INPP4B: variants seen among roughly 807,000 people sequenced by gnomAD.
The protein encoded by INPP4B is inositol polyphosphate 4-phosphatase type II.
A neutral mutation model predicts 122.5 loss-of-function variants in INPP4B; 55 were observed. The ratio of observed to expected loss-of-function variants is 0.45; its 90% CI spans 0.36 to 0.56. INPP4B has a LOEUF of 0.56. Among genes scored for constraint, INPP4B ranks in the 20% least tolerant of loss-of-function variants. The pLI, the probability that INPP4B is intolerant of heterozygous loss-of-function variation, is 0.00. For synonymous variants in INPP4B, 403 were observed against 388.7 expected, an observed-to-expected ratio of 1.04 and a Z score of -0.43; for missense variants, 1,000 against 1,097.7, an observed-to-expected ratio of 0.91 and a Z score of 1.26.
Position 142,270,730 on chromosome 4 carries a change from A to G in INPP4B, c.548T>C (p.Val183Ala), listed in dbSNP as rs762779783. Reference protein sequence around the residue: ...GKVVGTIEVSVVKMGEIEDGE... With the variant: ...GKVVGTIEVSAVKMGEIEDGE... The stretch of plus-strand genomic sequence containing the variant: ...ATCCTCAATCTCCCCCATCTTCACG[A>G]CACTGACTTCTATGGTGCCAACCAC... The change falls in exon 10 of 26, where the codon GTC (valine) becomes GCC (alanine). Residue 183 changes from valine to alanine, a missense_variant. Physicochemically the swap from Val to Ala is moderately conservative, Grantham distance 64. Transcript: ENST00000262992. 6.2e-7 allele frequency: 1 copy of G among 1,614,038 alleles called. No homozygotes were observed. Among genetic ancestry groups the G allele is most frequent in the Non-Finnish European group, 8.5e-7 (1 of 1,179,962 alleles).
chr4:142,838,084 C>G (rs1016446106), intron 1 of INPP4B, among the ~76,000 whole-genome samples: 1 of 150,760 alleles, frequency 6.6e-6, no homozygotes, highest in African/African-American at 2.5e-5. Context: ...GAGCTTATCA[C>G]AGTAGCTGGC....
chr4:142,461,612 GA>G (rs1816758342), intron 3 of INPP4B, among the ~76,000 whole-genome samples: 1 of 152,076 alleles, frequency 6.6e-6, no homozygotes, highest in Non-Finnish European at 1.5e-5. Flanking sequence ...CTAGATTCTA[GA>G]AAATTATCTA....
At chr4:142,819,294 C>A (rs946504361) in intron 1 of INPP4B, among the ~76,000 whole-genome samples, 2 of 152,148 alleles carry the variant, frequency 1.3e-5, no homozygotes, top group Non-Finnish European at 2.9e-5. Flanking sequence ...CTTACCCTGT[C>A]CTTATCATAT....
intron 12 of INPP4B, among the ~76,000 whole-genome samples, chr4:142,231,690 C>T (rs1022566253): frequency 1.3e-5 from 2 of 152,030 alleles, no homozygotes; most frequent in Admixed American, 6.6e-5. Context: ...TAAATTCTCC[C>T]TTTTCCACTC....
In INPP4B at chr4:142,758,098, C is replaced by G. The variant is rs577030032; in HGVS notation, c.-253-32197G>C. Among the ~76,000 whole-genome samples the G allele has an allele frequency of 4.4e-4, 67 of 152,150 alleles. 1 individual carries two copies. The highest frequency in any genetic ancestry group is 1.6e-3 in the African/African-American group (66 of 41,522). ...CTCATCAGTGGGACATTATTTAGTTCTGGGATAATAGTTTTTAAAAAGATA... is the reference window on the plus strand; with the variant it reads ...CTCATCAGTGGGACATTATTTAGTTGTGGGATAATAGTTTTTAAAAAGATA... On this transcript the variant is annotated intron_variant, in intron 1 of 25. Coordinates refer to ENST00000262992, the MANE Select transcript of INPP4B (RefSeq NM_001101669.3).
chr4:142,584,403 C>G (rs1735727218), intron 2 of INPP4B, among the ~76,000 whole-genome samples: 1 of 152,096 alleles, frequency 6.6e-6, no homozygotes, highest in African/African-American at 2.4e-5. Context: ...TTTACGATTC[C>G]ATCCCACACA....
chr4:142,491,079 C>T (rs1311313381), intron 2 of INPP4B, among the ~76,000 whole-genome samples: 1 of 152,124 alleles, frequency 6.6e-6, no homozygotes, highest in African/African-American at 2.4e-5. Context: ...TAGATATATA[C>T]TCAGAAGTGA....
intron 2 of INPP4B, among the ~76,000 whole-genome samples, chr4:142,704,040 A>G (rs571408913): frequency 4.6e-5 from 7 of 152,306 alleles, no homozygotes. Flanking sequence ...CGGTAGGAAT[A>G]TCTATTAGAA....
At chr4:142,484,072 A>T (rs547443097) in intron 2 of INPP4B, among the ~76,000 whole-genome samples, 1 of 152,268 alleles carries the variant, frequency 6.6e-6, no homozygotes, top group Non-Finnish European at 1.5e-5. Flanking sequence ...AAGAAGATGC[A>T]GAAAGGAACA....
At chr4:142,721,234 C>T (rs1391406637) in intron 2 of INPP4B, among the ~76,000 whole-genome samples, 3 of 152,034 alleles carry the variant, frequency 2.0e-5, no homozygotes, top group African/African-American at 7.2e-5. Context: ...ACCCAATAGG[C>T]CTAATTTCTT....
chr4:142,437,213 A>G (rs547687493), intron 3 of INPP4B, among the ~76,000 whole-genome samples: 3 of 152,228 alleles, frequency 2.0e-5, no homozygotes, highest in East Asian at 1.9e-4. Flanking sequence ...GACTAGAGAA[A>G]AAAAGAATGA....
chr4:142,427,550 C>G (rs1047397570), intron 5 of INPP4B: 27 of 587,570 alleles, frequency 4.6e-5, no homozygotes, highest in Admixed American at 1.1e-4. Flanking sequence ...ATAGTTAGGT[C>G]TTTGAACAAG....
intron 2 of INPP4B, among the ~76,000 whole-genome samples, chr4:142,468,659 C>T (rs1430877185): frequency 6.6e-6 from 1 of 152,162 alleles, no homozygotes; most frequent in Admixed American, 6.5e-5. Context: ...CTCTCTCTTG[C>T]TTCCTCTCTT....
At chr4:142,333,671 T>G (rs1389594867) in intron 7 of INPP4B, among the ~76,000 whole-genome samples, 1 of 151,792 alleles carries the variant, frequency 6.6e-6, no homozygotes, top group African/African-American at 2.4e-5. Context: ...TTTATTTTTG[T>G]TTTTTTTGTA....
intron 2 of INPP4B, among the ~76,000 whole-genome samples, chr4:142,693,199 A>G (rs191485616): frequency 1.1e-3 from 162 of 152,080 alleles, no homozygotes; most frequent in African/African-American, 3.6e-3. Flanking sequence ...TTACTTTATG[A>G]AAAAAATTAA....
In INPP4B at chr4:142,093,081, C is replaced by T. The variant is rs963334550; in HGVS notation, c.2375-6825G>A. Reference sequence around the variant, plus strand: ...GCCTGATAATTCTCTTGGAACTTGCCGACTGTATTCCTCATTTTGAGATGC... The same window carrying T: ...GCCTGATAATTCTCTTGGAACTTGCTGACTGTATTCCTCATTTTGAGATGC... On this transcript the variant is annotated intron_variant, in intron 23 of 25. Transcript: ENST00000262992. Among the ~76,000 whole-genome samples, 4 of 152,170 alleles carry T rather than the reference C, an allele frequency of 2.6e-5. No homozygotes were observed. The East Asian group carries it at 7.7e-4, about 29-fold the overall frequency.
At chr4:142,098,146 G>A (rs1304723694) in intron 23 of INPP4B, among the ~76,000 whole-genome samples, 1 of 152,056 alleles carries the variant, frequency 6.6e-6, no homozygotes, top group South Asian at 2.1e-4. Flanking sequence ...AAGGGGGAAG[G>A]CATTTAAGAT....
chr4:142,743,767 A>T (rs1168063094), intron 1 of INPP4B, among the ~76,000 whole-genome samples: 1 of 151,996 alleles, frequency 6.6e-6, no homozygotes. Context: ...TTCAGAGATT[A>T]AGTGAAACAG....
Position 142,124,563 on chromosome 4 carries a change from A to G in INPP4B, c.1893+25T>C, listed in dbSNP as rs77797833. 1,398 of 1,601,616 alleles carry G rather than the reference A, an allele frequency of 8.7e-4. 4 individuals carry two copies. The East Asian group carries it at 0.013, about 15-fold the overall frequency. On this transcript the variant is annotated intron_variant, in intron 19 of 25. Transcript: ENST00000262992. Reference sequence around the variant, plus strand: ...TGTTAACAATCCGGCATTGTTTTGTACTAACAATAACAACAGGCACCTACT... The same window carrying G: ...TGTTAACAATCCGGCATTGTTTTGTGCTAACAATAACAACAGGCACCTACT...
Sources: gnomAD v4.1 joint callset for allele counts (sites outside exome capture counted in the v4.1 genomes callset) on GRCh38, gnomAD v4.1.1 for gene constraint, MANE v1.5 for transcripts, NCBI Gene and HGNC (gene_info 2026-07-23, HGNC 2026-07-21) for gene names.